TSPAN18: variants seen among roughly 807,000 people sequenced by gnomAD.
TSPAN18 encodes the protein tetraspanin 18, also known as tetraspanin-18.
TSPAN18 carries 14 observed loss-of-function variants against 27.3 expected under a neutral mutation model. The ratio of observed to expected loss-of-function variants is 0.51; its 90% CI spans 0.34 to 0.80. TSPAN18 has a LOEUF of 0.80. TSPAN18 is among the 30% of genes least tolerant of loss of function. The probability of loss-of-function intolerance (pLI) is 0.01; values close to 1 mark genes in which losing one functional copy is unlikely to be tolerated. For synonymous variants in TSPAN18, 143 were observed against 136.5 expected, an observed-to-expected ratio of 1.05 and a Z score of -0.33; for missense variants, 268 against 323.9, an observed-to-expected ratio of 0.83 and a Z score of 1.32.
intron 2 of TSPAN18, among the ~76,000 whole-genome samples, chr11:44,767,860 G>A (rs73450607): frequency 0.079 from 12,101 of 152,250 alleles, 756 homozygotes; most frequent in African/African-American, 0.18. Context: ...TGAAGAGACT[G>A]TCTATTCTCC....
rs78532925 is a variant in TSPAN18 at position 44,796,566 on chromosome 11, T to G, written c.-153+32054T>G. ...CACCTCTCCGGGTTTTGCCTGCACA[T>G]AGCGCCCAGAATGGAACCCAGCATG... On this transcript the variant is annotated intron_variant, in intron 2 of 9. Coordinates refer to ENST00000520358, the MANE Select transcript of TSPAN18 (RefSeq NM_130783.5). Among the ~76,000 whole-genome samples the G allele has an allele frequency of 2.3e-3, 348 of 152,282 alleles. 8 individuals are homozygous for G. The East Asian group carries it at 0.035, about 15-fold the overall frequency.
At chr11:44,906,549 C>A in intron 4 of TSPAN18, 70 bp downstream of exon 4, 1 of 1,424,614 alleles carries the variant, frequency 7.0e-7, no homozygotes, top group Non-Finnish European at 9.9e-7. Flanking sequence ...GAAATAGTCA[C>A]ACTGGGCTGA....
intron 2 of TSPAN18, among the ~76,000 whole-genome samples, chr11:44,799,888 T>C (rs1355750471): frequency 2.0e-5 from 3 of 152,138 alleles, no homozygotes; most frequent in Non-Finnish European, 4.4e-5. Flanking sequence ...TGGAGTGCAG[T>C]GGCACGATCT....
chr11:44,899,857 A>G (rs886572793), intron 3 of TSPAN18, among the ~76,000 whole-genome samples: 5 of 152,174 alleles, frequency 3.3e-5, no homozygotes, highest in Non-Finnish European at 5.9e-5. Flanking sequence ...CCTTTAGCTC[A>G]GGGAAATTGG....
At chr11:44,740,332 G>A (rs555517304) in intron 1 of TSPAN18, among the ~76,000 whole-genome samples, 7 of 152,276 alleles carry the variant, frequency 4.6e-5, no homozygotes, top group African/African-American at 1.4e-4. Flanking sequence ...TAAGGGTGTC[G>A]GTTGGCAGAT....
intron 2 of TSPAN18, among the ~76,000 whole-genome samples, chr11:44,783,283 C>T (rs754026): frequency 0.98 from 149,988 of 152,362 alleles, 73,871 homozygotes; most frequent in East Asian, 1. Context: ...ACTGACTTCA[C>T]TGAAATTAAA....
intron 2 of TSPAN18, among the ~76,000 whole-genome samples, chr11:44,788,155 G>A (rs1856103035): frequency 6.6e-6 from 1 of 152,210 alleles, no homozygotes; most frequent in Non-Finnish European, 1.5e-5. Flanking sequence ...TGAAGCTTTG[G>A]AGGGCCAGGG....
chr11:44,772,674 T>C (rs1855714848), intron 2 of TSPAN18, among the ~76,000 whole-genome samples: 1 of 152,234 alleles, frequency 6.6e-6, no homozygotes, highest in Non-Finnish European at 1.5e-5. Flanking sequence ...ATTTATTTAT[T>C]TTGAGATGGA....
At chr11:44,910,551 GT>G (rs1859670576) in intron 5 of TSPAN18, among the ~76,000 whole-genome samples, 1 of 152,220 alleles carries the variant, frequency 6.6e-6, no homozygotes, top group South Asian at 2.1e-4. Flanking sequence ...TGACCTTGAT[GT>G]TTTTCCACTT....
At chr11:44,786,734 C>T (rs1245862272) in intron 2 of TSPAN18, among the ~76,000 whole-genome samples, 2 of 149,154 alleles carry the variant, frequency 1.3e-5, no homozygotes, top group Admixed American at 6.7e-5. Context: ...TGGGTTCAAG[C>T]GATTCTCCTG....
intron 3 of TSPAN18, among the ~76,000 whole-genome samples, chr11:44,904,843 C>A (rs1446252285): frequency 1.3e-5 from 2 of 152,090 alleles, no homozygotes; most frequent in East Asian, 1.9e-4. Context: ...GTTGCTGAGG[C>A]CTATTATGTG....
At chr11:44,751,950 T>C (rs1855220738) in intron 1 of TSPAN18, among the ~76,000 whole-genome samples, 1 of 151,878 alleles carries the variant, frequency 6.6e-6, no homozygotes, top group Admixed American at 6.6e-5. Flanking sequence ...AGAAGTCATA[T>C]ATATCTCAGC....
At chr11:44,880,789 A>G (rs560165915) in intron 3 of TSPAN18, among the ~76,000 whole-genome samples, 20 of 152,366 alleles carry the variant, frequency 1.3e-4, no homozygotes, top group African/African-American at 4.8e-4. Flanking sequence ...TCCAGCCCTG[A>G]CATTGTGTAT....
intron 1 of TSPAN18, among the ~76,000 whole-genome samples, chr11:44,730,593 A>T (rs1434185357): frequency 2.0e-5 from 3 of 150,890 alleles, no homozygotes; most frequent in Admixed American, 2.0e-4. Flanking sequence ...TTAGTGCTCC[A>T]TCTGAGGGAG....
intron 2 of TSPAN18, among the ~76,000 whole-genome samples, chr11:44,810,792 A>C (rs1182854469): frequency 6.6e-6 from 1 of 151,490 alleles, no homozygotes; most frequent in Non-Finnish European, 1.5e-5. Flanking sequence ...ATTTTTTTGC[A>C]GGAAGGGGGT....
At chr11:44,916,800 C>T (rs1859927681) in intron 5 of TSPAN18, among the ~76,000 whole-genome samples, 1 of 152,086 alleles carries the variant, frequency 6.6e-6, no homozygotes, top group Non-Finnish European at 1.5e-5. Context: ...TGCCTGGGTG[C>T]CTGGGAGGGC....
intron 2 of TSPAN18, among the ~76,000 whole-genome samples, chr11:44,825,734 A>G (rs2135131159): frequency 6.6e-6 from 1 of 152,200 alleles, no homozygotes; most frequent in Admixed American, 6.5e-5. Flanking sequence ...TGGGTTTTGT[A>G]CACCCAGGGC....
At chr11:44,916,604 A>G (rs759957358) in intron 5 of TSPAN18, among the ~76,000 whole-genome samples, 39 of 152,088 alleles carry the variant, frequency 2.6e-4, no homozygotes, top group Admixed American at 6.5e-4. Context: ...CTGGCAAGAA[A>G]ACTGAGGCTG....
chr11:44,751,149 A>C (rs1176202231), intron 1 of TSPAN18, among the ~76,000 whole-genome samples: 1 of 152,218 alleles, frequency 6.6e-6, no homozygotes, highest in East Asian at 1.9e-4. Context: ...GTTCAGGAAC[A>C]GAGAAGACCT....
Sources: allele counts gnomAD v4.1 joint callset (sites outside exome capture counted in the v4.1 genomes callset), GRCh38; gene constraint gnomAD v4.1.1; transcripts MANE v1.5; gene names NCBI Gene and HGNC (gene_info 2026-07-23, HGNC 2026-07-21).